SYNPR: variants seen among roughly 807,000 people sequenced by gnomAD.
SYNPR encodes synaptoporin.
A neutral mutation model predicts 32.9 loss-of-function variants in SYNPR; 23 were observed. The observed-to-expected ratio is 0.70, with a 90% CI of 0.50 to 0.99. The LOEUF is 0.99. Ranked by LOEUF, SYNPR falls within the 50% of genes least tolerant of loss-of-function variation. The probability of loss-of-function intolerance (pLI) is 0.00; values close to 1 mark genes in which losing one functional copy is unlikely to be tolerated. For synonymous variants in SYNPR, 146 were observed against 135.9 expected, an observed-to-expected ratio of 1.07 and a Z score of -0.52; for missense variants, 318 against 349.3, an observed-to-expected ratio of 0.91 and a Z score of 0.71.
chr3:63,451,004 G>A (rs1700371187), intron 2 of SYNPR, among the ~76,000 whole-genome samples: 1 of 152,048 alleles, frequency 6.6e-6, no homozygotes, highest in South Asian at 2.1e-4. Flanking sequence ...GAGGAAATAG[G>A]TCCAAATCCC....
chr3:63,484,528 A>C (rs1412500152), intron 3 of SYNPR, among the ~76,000 whole-genome samples: 1 of 152,188 alleles, frequency 6.6e-6, no homozygotes, highest in Non-Finnish European at 1.5e-5. Flanking sequence ...AGGGGGCTAT[A>C]GGAACAAAAA....
intron 2 of SYNPR, among the ~76,000 whole-genome samples, chr3:63,440,448 A>C (rs1476508339): frequency 6.6e-6 from 1 of 152,204 alleles, no homozygotes; most frequent in African/African-American, 2.4e-5. Flanking sequence ...TTATGCTTTA[A>C]ATGGCTCAAC....
At chr3:63,555,830 G>GA (rs1209650148) in intron 3 of SYNPR, among the ~76,000 whole-genome samples, 2 of 151,100 alleles carry the variant, frequency 1.3e-5, no homozygotes, top group Non-Finnish European at 3.0e-5. Flanking sequence ...CAGTGGGACT[G>GA]AAAAAAAAAG....
intron 2 of SYNPR, among the ~76,000 whole-genome samples, chr3:63,300,526 C>G (rs1159608990): frequency 2.0e-5 from 3 of 152,030 alleles, no homozygotes; most frequent in Non-Finnish European, 2.9e-5. Context: ...TACTGCATAG[C>G]CTTTTCTCCC....
chr3:63,476,120 A>T (rs2106686036), intron 2 of SYNPR, among the ~76,000 whole-genome samples: 1 of 30,172 alleles, frequency 3.3e-5, no homozygotes, highest in Non-Finnish European at 6.1e-5. Flanking sequence ...GGAGGAAGGA[A>T]GGAAGGAAGG....
chr3:63,220,458 G>C, the SYNPR span, among the ~76,000 whole-genome samples: 3 of 152,058 alleles, frequency 2.0e-5, no homozygotes, highest in Non-Finnish European at 4.4e-5. Flanking sequence ...CTGGGGCTGG[G>C]GGTTTGAAAA....
At chr3:63,524,844 T>TGC (rs775532834) in intron 3 of SYNPR, among the ~76,000 whole-genome samples, 14,405 of 148,486 alleles carry the variant, frequency 0.097, 927 homozygotes, top group Middle Eastern at 0.18. Flanking sequence ...TGTGTGTGTG[T>TGC]GTGTGTGCAT....
upstream of SYNPR, among the ~76,000 whole-genome samples, chr3:63,224,687 A>G (rs781647354): frequency 2.0e-5 from 3 of 152,162 alleles, no homozygotes; most frequent in Non-Finnish European, 4.4e-5. Flanking sequence ...AAAATTATGC[A>G]GAGGAGTTTG....
intron 2 of SYNPR, among the ~76,000 whole-genome samples, chr3:63,287,442 C>A (rs1363099959): frequency 6.6e-6 from 1 of 151,996 alleles, no homozygotes; most frequent in Non-Finnish European, 1.5e-5. Context: ...TGACGGCTCC[C>A]AGACCACACT....
chr3:63,594,259 C>A (rs1699894911), intron 4 of SYNPR, among the ~76,000 whole-genome samples: 1 of 152,068 alleles, frequency 6.6e-6, no homozygotes, highest in South Asian at 2.1e-4. Context: ...TATGTTGCAA[C>A]CAAAGTTTAG....
chr3:63,418,819 G>A (rs1247252335), intron 2 of SYNPR, among the ~76,000 whole-genome samples: 4 of 152,278 alleles, frequency 2.6e-5, no homozygotes, highest in Admixed American at 6.5e-5. Context: ...GGGAATTCTA[G>A]ATAAGATTTG....
chr3:63,232,738 T>A (rs1482060535), intron 1 of SYNPR, among the ~76,000 whole-genome samples: 1 of 152,162 alleles, frequency 6.6e-6, no homozygotes, highest in Non-Finnish European at 1.5e-5. Flanking sequence ...GGCTCAGTTA[T>A]CTTTAACATC....
upstream of SYNPR, among the ~76,000 whole-genome samples, chr3:63,226,644 A>G (rs1302754736): frequency 1.3e-5 from 2 of 152,194 alleles, no homozygotes; most frequent in South Asian, 2.1e-4. Context: ...TGTGGGAGAT[A>G]AAAAACTTGA....
intron 1 of SYNPR, among the ~76,000 whole-genome samples, chr3:63,246,082 A>T (rs758713362): frequency 2.6e-5 from 4 of 152,108 alleles, no homozygotes; most frequent in Non-Finnish European, 5.9e-5. Flanking sequence ...TTAAATATAC[A>T]GAGCTATGCA....
intron 2 of SYNPR, among the ~76,000 whole-genome samples, chr3:63,381,082 G>C (rs6774196): frequency 6.6e-6 from 1 of 152,214 alleles, no homozygotes; most frequent in East Asian, 1.9e-4. Flanking sequence ...GAAATAAAGG[G>C]TATTCAATTA....
chr3:63,302,032 A>G (rs1383162777), intron 2 of SYNPR, among the ~76,000 whole-genome samples: 3 of 152,090 alleles, frequency 2.0e-5, no homozygotes, highest in Admixed American at 2.0e-4. Context: ...AAATAAATGG[A>G]CGTATGAATA....
At chr3:63,478,928 C>A (rs926115922) in intron 2 of SYNPR, among the ~76,000 whole-genome samples, 4 of 152,170 alleles carry the variant, frequency 2.6e-5, no homozygotes, top group Non-Finnish European at 5.9e-5. Context: ...AAATCACCTT[C>A]TCTTTATTTC....
At chr3:63,312,268 A>G (rs2086973931) in intron 2 of SYNPR, among the ~76,000 whole-genome samples, 1 of 152,014 alleles carries the variant, frequency 6.6e-6, no homozygotes, top group South Asian at 2.1e-4. Flanking sequence ...ATGATTTTAC[A>G]TTAATAAGAG....
intron 2 of SYNPR, among the ~76,000 whole-genome samples, chr3:63,422,549 C>T (rs1005884657): frequency 5.9e-5 from 9 of 152,112 alleles, no homozygotes; most frequent in Middle Eastern, 3.4e-3. Context: ...TCAAATTGTA[C>T]CCTTTAAATA....
Sources: gnomAD v4.1 joint callset for allele counts (sites outside exome capture counted in the v4.1 genomes callset) on GRCh38, gnomAD v4.1.1 for gene constraint, MANE v1.5 for transcripts, NCBI Gene and HGNC (gene_info 2026-07-23, HGNC 2026-07-21) for gene names.